Variants in KCNJ4 observed in about 807,000 individuals in gnomAD.
KCNJ4 encodes inward rectifier potassium channel 4.
A neutral mutation model predicts 25.6 loss-of-function variants in KCNJ4; 3 were observed. The observed-to-expected ratio is 0.12, with a 90% confidence interval of 0.05 to 0.30. The LOEUF (loss-of-function observed/expected upper bound fraction) is 0.30. Among genes scored for constraint, KCNJ4 ranks in the 10% least tolerant of loss-of-function variants. The probability of loss-of-function intolerance (pLI) is 1.00; values close to 1 mark genes in which losing one functional copy is unlikely to be tolerated. For synonymous variants in KCNJ4, 257 were observed against 283.9 expected, an observed-to-expected ratio of 0.91 and a Z score of 0.95; for missense variants, 286 against 666.8, an observed-to-expected ratio of 0.43 and a Z score of 6.29.
intron 1 of KCNJ4, among the ~76,000 whole-genome samples, chr22:38,450,879 A>G (rs2089406659): frequency 6.6e-6 from 1 of 152,010 alleles, no homozygotes; most frequent in African/African-American, 2.4e-5. Flanking sequence ...GCCAAGCCCC[A>G]GCCCCAGGGA....
chr22:38,429,806 C>T (rs2093044188), intron 1 of KCNJ4, among the ~76,000 whole-genome samples: 1 of 152,220 alleles, frequency 6.6e-6, no homozygotes. Context: ...CCTGGGTTCC[C>T]AATAACATTT....
rs183753328 is a variant in KCNJ4, at chr22:38,443,821, A to C, written c.-40+11159T>G. On this transcript the variant is annotated intron_variant, in intron 1 of 1. Coordinates refer to ENST00000303592, the MANE Select transcript of KCNJ4 (RefSeq NM_152868.3). This position sits in a 1 kb window ranked among gnomAD's most constrained non-coding sequence, Gnocchi z 4.1. Reference sequence around the variant, plus strand: ...AGCCTCCACCCACCTCCCGCAGTCCATCTCCACATCACTCCCTGCTCAGAG... The same window carrying C: ...AGCCTCCACCCACCTCCCGCAGTCCCTCTCCACATCACTCCCTGCTCAGAG... Among the ~76,000 whole-genome samples, 7 of 152,010 alleles carry C rather than the reference A, an allele frequency of 4.6e-5. No individual in the cohort carries two copies. In the East Asian group the frequency reaches 1.4e-3, roughly 29 times the overall value.
chr22:38,427,304 C>T lies in KCNJ4; in HGVS notation c.829G>A (p.Glu277Lys). 6.2e-7 allele frequency: 1 copy of T among 1,614,062 alleles called. No homozygotes were observed. The highest frequency in any genetic ancestry group is 8.5e-7 in the Non-Finnish European group (1 of 1,180,028). The change falls in exon 2 of 2, where the codon GAG becomes AAG. Residue 277 changes from glutamate (E) to lysine (K), a missense_variant. Physicochemically the swap from Glu to Lys is moderately conservative, Grantham distance 56. Around this residue, in one of 11 missense-constraint regions of KCNJ4, gnomAD observed 39 missense variants for 100.9 expected, o/e 0.39. Coordinates refer to ENST00000303592, the MANE Select transcript of KCNJ4 (RefSeq NM_152868.3). ...TCAAAGTCCTCCGACTCCAGCTCCT[C>T]CTTGCCCATGCCATAAAGCGGGCTG... ...EDSPLYGMGK[E>K]ELESEDFEIV... is the part of the protein sequence containing the mutation.
At position 38,449,490 on chromosome 22, in the gene KCNJ4, G is replaced by A. The variant is rs1453724940; in HGVS notation, c.-40+5490C>T. Among the ~76,000 whole-genome samples the A allele has an allele frequency of 2.0e-5, 3 of 152,184 alleles. No individual in the cohort carries two copies. The highest frequency in any genetic ancestry group is 4.4e-5 in the Non-Finnish European group (3 of 68,024). On this transcript the variant is annotated intron_variant, in intron 1 of 1. Transcript: ENST00000303592. The surrounding 1 kb of genome is among the most constrained non-coding windows in gnomAD (Gnocchi z 5.2). ...ACACTGCTCTCACCCCAGCCACCAAGCAACGGCACCAGCCATCTGAGCAGC... is the reference window on the plus strand; with the variant it reads ...ACACTGCTCTCACCCCAGCCACCAAACAACGGCACCAGCCATCTGAGCAGC...
At chr22:38,447,625 TG>T (rs1555919467) in intron 1 of KCNJ4, among the ~76,000 whole-genome samples, 2 of 151,746 alleles carry the variant, frequency 1.3e-5, no homozygotes, top group Non-Finnish European at 2.9e-5. Flanking sequence ...TGCAGGGGGT[TG>T]GGGGAAGCTT....
At chr22:38,444,559 G>A (rs2089360392) in intron 1 of KCNJ4, among the ~76,000 whole-genome samples, 1 of 152,212 alleles carries the variant, frequency 6.6e-6, no homozygotes, top group African/African-American at 2.4e-5. Flanking sequence ...GGGGCTCGGG[G>A]GAGGATGTCC....
At chr22:38,431,841 G>A (rs2093050759) in intron 1 of KCNJ4, among the ~76,000 whole-genome samples, 1 of 152,190 alleles carries the variant, frequency 6.6e-6, no homozygotes, top group Non-Finnish European at 1.5e-5. Flanking sequence ...CCAGGAGATG[G>A]CCAGATTTTC....
At chr22:38,444,099 G>A (rs1017091903) in intron 1 of KCNJ4, among the ~76,000 whole-genome samples, 5 of 152,020 alleles carry the variant, frequency 3.3e-5, no homozygotes, top group Non-Finnish European at 7.4e-5. Flanking sequence ...TGTTCCAAGA[G>A]GCCCCGAGGC....
At chr22:38,452,206 A>G (rs2089414057) in intron 1 of KCNJ4, among the ~76,000 whole-genome samples, 1 of 152,188 alleles carries the variant, frequency 6.6e-6, no homozygotes, top group Non-Finnish European at 1.5e-5. Context: ...AGAATCGCCA[A>G]GATCTTAAGT....
intron 1 of KCNJ4, among the ~76,000 whole-genome samples, chr22:38,446,341 T>C (rs1450285028): frequency 1.3e-5 from 2 of 152,206 alleles, no homozygotes; most frequent in Admixed American, 6.5e-5. Flanking sequence ...CGGGTGTCTG[T>C]TGGGGGCAGC....
At chr22:38,439,121 A>G (rs990073889) in intron 1 of KCNJ4, among the ~76,000 whole-genome samples, 6 of 152,104 alleles carry the variant, frequency 3.9e-5, no homozygotes, top group Non-Finnish European at 8.8e-5. Context: ...GTGCATGCCT[A>G]TAGTCCCAGC....
Position 38,428,139 on chromosome 22 carries a change from A to G in KCNJ4, c.-7T>C. 2 of 1,602,176 alleles carry G rather than the reference A, an allele frequency of 1.2e-6. No individual in the cohort carries two copies. The highest frequency in any genetic ancestry group is 2.2e-5 in the South Asian group (2 of 90,214). On this transcript the variant is annotated 5_prime_UTR_variant, in exon 2 of 2. Coordinates refer to ENST00000303592, the MANE Select transcript of KCNJ4 (RefSeq NM_152868.3). ...TGCGGCTGTGTCCGTGCATGTCCTGAAGCCGGCGTGGTCACCTGGGAAGAC... is the reference window on the plus strand; with the variant it reads ...TGCGGCTGTGTCCGTGCATGTCCTGGAGCCGGCGTGGTCACCTGGGAAGAC...
intron 1 of KCNJ4, among the ~76,000 whole-genome samples, chr22:38,442,636 C>G (rs2089344315): frequency 6.6e-6 from 1 of 151,946 alleles, no homozygotes; most frequent in African/African-American, 2.4e-5. Flanking sequence ...CTTAACCTCT[C>G]TGAGTCACAT....
At chr22:38,447,777 C>A (rs1016372457) in intron 1 of KCNJ4, among the ~76,000 whole-genome samples, 47 of 152,140 alleles carry the variant, frequency 3.1e-4, no homozygotes, top group Non-Finnish European at 2.5e-4. Context: ...AGCTAAAGAA[C>A]CCTCCCGTCC....
intron 1 of KCNJ4, among the ~76,000 whole-genome samples, chr22:38,445,640 G>A (rs777262360): frequency 7.2e-5 from 11 of 152,098 alleles, no homozygotes; most frequent in East Asian, 1.9e-4. Context: ...CACTGCACCC[G>A]GCTATATATT....
At chr22:38,436,614 C>T (rs567815572) in intron 1 of KCNJ4, among the ~76,000 whole-genome samples, 148 of 152,298 alleles carry the variant, frequency 9.7e-4, no homozygotes, top group African/African-American at 3.2e-3. Context: ...TTCTGGACCA[C>T]GAAATCCTGT....
Position 38,455,127 on chromosome 22 carries a change from C to T in KCNJ4, c.-187G>A, listed in dbSNP as rs1413952283. 6.7e-6 allele frequency: 1 copy of T among 149,780 alleles called. No individual in the cohort carries two copies. The highest frequency in any genetic ancestry group is 2.0e-4 in the East Asian group (1 of 5,096). The allele number at this position is 149,780 out of a possible 1,614,324, so 9.3% of individuals were successfully genotyped here. Reference sequence around the variant, plus strand: ...ACTCGGCCGGCCGGCCCGCGCTCCCCTCCCCGGCTGCCGCTCGGTCTGCGC... The same window carrying T: ...ACTCGGCCGGCCGGCCCGCGCTCCCTTCCCCGGCTGCCGCTCGGTCTGCGC... On this transcript the variant is annotated 5_prime_UTR_variant, in exon 1 of 2. Transcript: ENST00000303592.
At position 38,426,549 on chromosome 22, in the gene KCNJ4, G is replaced by A. The variant is rs181483781; in HGVS notation, c.*246C>T. ...AAGAGTCAGTGGGGGAAGGGTGGTGGATCCGGGGACCTAGAGCCACCAGAA... is the reference window on the plus strand; with the variant it reads ...AAGAGTCAGTGGGGGAAGGGTGGTGAATCCGGGGACCTAGAGCCACCAGAA... On this transcript the variant is annotated 3_prime_UTR_variant, in exon 2 of 2. Transcript: ENST00000303592. The A allele has an allele frequency of 6.7e-5, 33 of 493,840 alleles. No homozygotes were observed. The Admixed American group carries it at 1.1e-3, about 16-fold the overall frequency. 30.6% of individuals were successfully genotyped at this position (493,840 alleles called of 1,614,324 possible). A position where few individuals can be genotyped will look rare whatever the true frequency, so the allele number is the denominator to read the frequency against.
At chr22:38,453,726 AG>A (rs1299214582) in intron 1 of KCNJ4, among the ~76,000 whole-genome samples, 1 of 152,156 alleles carries the variant, frequency 6.6e-6, no homozygotes, top group African/African-American at 2.4e-5. Flanking sequence ...CTGCTCTCCC[AG>A]CCACCTGAGC....
Sources: gnomAD v4.1 joint callset for allele counts (sites outside exome capture counted in the v4.1 genomes callset) on GRCh38, gnomAD v4.1.1 for gene constraint, gnomAD v4.1.1 regional missense constraint, Gnocchi (gnomAD v3.1) non-coding constraint, MANE v1.5 for transcripts, NCBI Gene and HGNC (gene_info 2026-07-23, HGNC 2026-07-21) for gene names.